Variants in SEMA4C observed in about 807,000 individuals in gnomAD.
SEMA4C encodes semaphorin 4C.
In SEMA4C, 19 loss-of-function variants were observed where a neutral mutation model predicts 89.0. The observed-to-expected ratio is 0.21, with a 90% CI of 0.15 to 0.31. The LOEUF is 0.31. Among genes scored for constraint, SEMA4C ranks in the 10% least tolerant of loss-of-function variants. The pLI is 1.00. For synonymous variants in SEMA4C, 428 were observed against 472.7 expected (o/e 0.91, Z 1.23); for missense variants, 811 against 1,107.0 (o/e 0.73, Z 3.79).
intron 1 of SEMA4C, chr2:96,869,262 C>G: frequency 5.1e-6 from 5 of 985,414 alleles, no homozygotes; most frequent in Non-Finnish European, 6.0e-6. Flanking sequence ...CAGCTCCCCC[C>G]AGGGCGAGGA....
intron 1 of SEMA4C, chr2:96,869,081 G>A: frequency 3.0e-6 from 3 of 985,402 alleles, no homozygotes; most frequent in Non-Finnish European, 3.6e-6. Context: ...TGGCGAGCCC[G>A]GCCTGCGGAC....
intron 1 of SEMA4C, chr2:96,868,339 A>C: frequency 3.5e-6 from 3 of 848,850 alleles, no homozygotes; most frequent in Non-Finnish European, 4.3e-6. Flanking sequence ...CCAACACCTA[A>C]TTCTGGGAGG....
intron 1 of SEMA4C, chr2:96,868,686 G>C (rs992885878): frequency 5.1e-6 from 5 of 985,380 alleles, no homozygotes; most frequent in Admixed American, 6.1e-5. Flanking sequence ...GCGGAGGGGC[G>C]GTGGGGGGAC....
At position 96,870,036 on chromosome 2, in the gene SEMA4C, G is replaced by C. The variant is rs2153366221; in HGVS notation, c.-198C>G. On this transcript the variant is annotated 5_prime_UTR_variant, in exon 1 of 15. Coordinates refer to ENST00000305476, the MANE Select transcript of SEMA4C (RefSeq NM_017789.5). ...TCCCCGCCCGGCTCCGCGCCCCTAG[G>C]CTCGGGCTCCCCGCGCCACCACGGC... 1.0e-6 allele frequency: 1 copy of C among 984,256 alleles called. No individual in the cohort carries two copies. The highest frequency in any genetic ancestry group is 1.2e-6 in the Non-Finnish European group (1 of 828,472). 61.0% of individuals were successfully genotyped at this position (984,256 alleles called of 1,614,324 possible). A position where few individuals can be genotyped will look rare whatever the true frequency, so the allele number is the denominator to read the frequency against.
upstream of SEMA4C, chr2:96,870,583 C>A: frequency 8.1e-6 from 8 of 985,508 alleles, no homozygotes; most frequent in Non-Finnish European, 9.6e-6. Flanking sequence ...TTTCTAGGCC[C>A]CGAGGACCAC....
intron 12 of SEMA4C, 194 bp downstream of exon 12, chr2:96,863,488 T>C (rs2079999140): frequency 1.1e-6 from 1 of 902,710 alleles, no homozygotes; most frequent in Admixed American, 6.2e-5. Flanking sequence ...CCCTGTGCAG[T>C]GCAGATTCCA....
intron 12 of SEMA4C, chr2:96,862,136 G>A (rs751474889): frequency 1.5e-5 from 8 of 517,448 alleles, no homozygotes; most frequent in Admixed American, 3.2e-5. Context: ...TCGACGTGAC[G>A]TTATTAGAAA....
In SEMA4C at chr2:96,863,913, C is replaced by A. The variant is rs1479884032; in HGVS notation, c.1330+13G>T. The A allele has an allele frequency of 6.2e-7, 1 of 1,601,978 alleles. No individual in the cohort carries two copies. The highest frequency in any genetic ancestry group is 1.3e-5 in the African/African-American group (1 of 74,650). Reference sequence around the variant, plus strand: ...AGCCTTGAGCAGCCATGCCTGCATACCCATGCACCCACCTGTGCCAATGAA... The same window carrying A: ...AGCCTTGAGCAGCCATGCCTGCATAACCATGCACCCACCTGTGCCAATGAA... On this transcript the variant is annotated intron_variant, in intron 11 of 14. Transcript: ENST00000305476.
Position 96,860,724 on chromosome 2 carries a change from GCCCTCCCCGGTCCTC to G in SEMA4C, c.2389_2403del (p.Glu797_Gly801del). ...GCGAGCTCAGGCAGGGGGTGCCCGA[GCCCTCCCCGGTCCTC>G]CCCTCCTAGTTGTAAGCGCACGTAA... On this transcript the variant is annotated inframe_deletion, in exon 15 of 15. Transcript: ENST00000305476. 6.2e-7 allele frequency: 1 copy of G among 1,613,778 alleles called. No homozygotes were observed. The highest frequency in any genetic ancestry group is 8.5e-7 in the Non-Finnish European group (1 of 1,179,992).
chr2:96,870,145 G>T, upstream of SEMA4C: 5 of 974,162 alleles, frequency 5.1e-6, no homozygotes, highest in Non-Finnish European at 6.1e-6. Flanking sequence ...AGCGGAGGCC[G>T]GGGGCGGGCC....
rs541017134 is a variant in SEMA4C, at chr2:96,868,259, C to T, written c.-37-336G>A. Among the ~76,000 whole-genome samples, 5 of 152,380 alleles carry T rather than the reference C, an allele frequency of 3.3e-5. No homozygotes were observed. The South Asian group carries it at 1.0e-3, about 32-fold the overall frequency. On this transcript the variant is annotated intron_variant, in intron 1 of 14. Transcript: ENST00000305476. ...CCCCGCCCAACATACACACTCAGGC[C>T]TAAGAGGTTTGAGTTTCTTGAAAGA...
rs1359346641 is a variant in SEMA4C, at chr2:96,860,512, G to GT, written c.*113dup. 3.2e-6 allele frequency: 3 copies of GT among 949,848 alleles called. No individual in the cohort carries two copies. Among genetic ancestry groups the GT allele is most frequent in the Non-Finnish European group, 4.6e-6 (3 of 646,688 alleles). The allele number at this position is 949,848 out of a possible 1,614,324, so 58.8% of individuals were successfully genotyped here. A position where few individuals can be genotyped will look rare whatever the true frequency, so the allele number is the denominator to read the frequency against. On this transcript the variant is annotated 3_prime_UTR_variant, in exon 15 of 15. Transcript: ENST00000305476. ...CTCATGGCCGGGTGGGTGCTGGGCA[G>GT]TATCTGTCCCAGACAGAGCAGGTGC...
Position 96,864,091 on chromosome 2 carries a change from TGTC to T in SEMA4C, c.1162_1164del (p.Asp388del). The T allele has an allele frequency of 6.2e-7, 1 of 1,612,642 alleles. No homozygotes were observed. The highest frequency in any genetic ancestry group is 8.5e-7 in the Non-Finnish European group (1 of 1,179,934). ...TGCTTCTTGACGAAGTTGAGGATGT[TGTC>T]GGGTAGCTCCAGGGAGCTGGTGTAG... is the stretch of plus-strand genomic sequence containing the variant. On this transcript the variant is annotated inframe_deletion, in exon 11 of 15. Transcript: ENST00000305476. The surrounding 1 kb of genome is among the most constrained non-coding windows in gnomAD (Gnocchi z 6.3).
intron 1 of SEMA4C, chr2:96,869,363 G>A (rs2080155986): frequency 9.1e-6 from 9 of 985,304 alleles, no homozygotes; most frequent in Non-Finnish European, 1.1e-5. Context: ...GGCCAGCCGT[G>A]GACCGCGGCC....
Position 96,866,447 on chromosome 2 carries a change from T to A in SEMA4C, c.110-16A>T, listed in dbSNP as rs2080072805. On this transcript the variant is annotated splice_polypyrimidine_tract_variant and intron_variant, in intron 2 of 14. Transcript: ENST00000305476. ...GTGGCCAGCTCTGCAGGGGTAAGCA[T>A]GGCTGCTGATGGGCAGGACCCCTGG... is the stretch of plus-strand genomic sequence containing the variant. 2.5e-6 allele frequency: 4 copies of A among 1,613,660 alleles called. No individual in the cohort carries two copies. Among genetic ancestry groups the A allele is most frequent in the Non-Finnish European group, 3.4e-6 (4 of 1,180,016 alleles).
At chr2:96,869,831 C>T (rs1301325226) in intron 1 of SEMA4C, 45 bp downstream of exon 1, 2 of 985,274 alleles carry the variant, frequency 2.0e-6, no homozygotes, top group East Asian at 2.3e-4. Context: ...GCGGCGGCTC[C>T]GGGGCCCCGC....
At chr2:96,866,131 C>T in intron 3 of SEMA4C, 152 bp downstream of exon 3, 1 of 1,174,520 alleles carries the variant, frequency 8.5e-7, no homozygotes, top group African/African-American at 1.5e-5. Context: ...GAGAGGAATG[C>T]CGCATGCTGA....
At position 96,864,074 on chromosome 2, in the gene SEMA4C, G is replaced by C; in HGVS notation, c.1182C>G (p.Val394=). The C allele has an allele frequency of 6.2e-7, 1 of 1,613,144 alleles. No individual in the cohort carries two copies. The highest frequency in any genetic ancestry group is 1.1e-5 in the South Asian group (1 of 91,076). The part of the protein sequence containing the change: ...LELPDNILNF[V]KKHPLMEEQV... Reference sequence around the variant, plus strand: ...GCTCCTCCATCAGCGGGTGCTTCTTGACGAAGTTGAGGATGTTGTCGGGTA... The same window carrying C: ...GCTCCTCCATCAGCGGGTGCTTCTTCACGAAGTTGAGGATGTTGTCGGGTA... Residue 394 remains valine, a synonymous_variant, in exon 11 of 15, where the codon GTC becomes GTG. Coordinates refer to ENST00000305476, the MANE Select transcript of SEMA4C (RefSeq NM_017789.5). This position sits in a 1 kb window ranked among gnomAD's most constrained non-coding sequence, Gnocchi z 6.3.
intron 1 of SEMA4C, chr2:96,868,870 G>A (rs991020818): frequency 4.1e-6 from 4 of 985,200 alleles, no homozygotes; most frequent in African/African-American, 1.7e-5. Context: ...TGCGCCCCAG[G>A]GACCCTGGCC....
Sources: allele counts gnomAD v4.1 joint callset (sites outside exome capture counted in the v4.1 genomes callset), GRCh38; gene constraint gnomAD v4.1.1; non-coding constraint Gnocchi (gnomAD v3.1); transcripts MANE v1.5; gene names NCBI Gene and HGNC (gene_info 2026-07-23, HGNC 2026-07-21).